Variants in CACNA1A observed in about 807,000 individuals in gnomAD.
CACNA1A encodes the protein calcium voltage-gated channel subunit alpha1 A.
Under a neutral mutation model 262.4 loss-of-function variants are expected in CACNA1A, and 57 were observed. The observed-to-expected ratio is 0.22, with a 90% CI of 0.18 to 0.27. The LOEUF (loss-of-function observed/expected upper bound fraction) is 0.27. CACNA1A is among the 10% of genes least tolerant of loss of function. The pLI is 1.00. For missense variants in CACNA1A, 2,526 were observed against 3,562.8 expected (o/e 0.71, Z 7.41); for synonymous variants, 1,431 against 1,419.3 (o/e 1.01, Z -0.18).
chr19:13,249,801 T>C (rs540667056), intron 30 of CACNA1A, among the ~76,000 whole-genome samples: 1 of 113,594 alleles, frequency 8.8e-6, no homozygotes, highest in South Asian at 3.2e-4. Context: ...ACAAAGCTTA[T>C]ATAGGACGAG....
At chr19:13,446,250 GA>G (rs59977753) in intron 3 of CACNA1A, among the ~76,000 whole-genome samples, 3,260 of 90,184 alleles carry the variant, frequency 0.036, 105 homozygotes, top group African/African-American at 0.1. Context: ...ACTCTGTCCC[GA>G]AAAAAAAAAA....
intron 1 of CACNA1A, among the ~76,000 whole-genome samples, chr19:13,474,373 G>A (rs1418604830): frequency 6.6e-6 from 1 of 152,164 alleles, no homozygotes; most frequent in Admixed American, 6.5e-5. Context: ...GACTATGGCC[G>A]ATTCCCATAA....
rs374647321 is a variant in CACNA1A, at chr19:13,335,919, G to T, written c.979-10C>A. On this transcript the variant is annotated splice_polypyrimidine_tract_variant and intron_variant, in intron 6 of 46. Transcript: ENST00000360228. Reference sequence around the variant, plus strand: ...CTGAGGCATCGTTGCTCTGTAGGGTGTGAGGAGGGAAAGCAGGTGAGAGTT... The same window carrying T: ...CTGAGGCATCGTTGCTCTGTAGGGTTTGAGGAGGGAAAGCAGGTGAGAGTT... 393 of 1,549,506 alleles carry T rather than the reference G, an allele frequency of 2.5e-4. No homozygotes were observed. The highest frequency in any genetic ancestry group is 3.4e-4 in the Non-Finnish European group (382 of 1,131,102).
chr19:13,247,574 CCTGT>C (rs1462562004), intron 30 of CACNA1A, among the ~76,000 whole-genome samples: 1 of 152,020 alleles, frequency 6.6e-6, no homozygotes, highest in East Asian at 1.9e-4. Context: ...GTGGTGCGCG[CCTGT>C]AGTCCCAGCT....
intron 30 of CACNA1A, among the ~76,000 whole-genome samples, chr19:13,247,395 A>C (rs1016846450): frequency 5.3e-5 from 8 of 152,170 alleles, no homozygotes; most frequent in African/African-American, 1.9e-4. Context: ...ACAACTGCCT[A>C]AAAAAGGAAT....
rs200379554 is a variant in CACNA1A at position 13,385,226 on chromosome 19, C to CTTTTTTTT, written c.540-13448_540-13447insAAAAAAAA. The stretch of plus-strand genomic sequence containing the variant: ...GTAGGGCAGATATTTTCTATTCTTT[C>CTTTTTTTT]TTTCTTTTTTTTTTTTTTTTTGAGA... On this transcript the variant is annotated intron_variant, in intron 3 of 46. Transcript: ENST00000360228. 7.3e-5 allele frequency among the ~76,000 whole-genome samples: 10 copies of CTTTTTTTT among 137,570 alleles called. 1 individual carries two copies. The highest frequency in any genetic ancestry group is 2.5e-4 in the African/African-American group (9 of 36,208). 90.3% of individuals were successfully genotyped at this position (137,570 alleles called of 152,430 possible).
chr19:13,261,788 G>T, intron 25 of CACNA1A, 178 bp from the exon 26 acceptor site: 1 of 593,984 alleles, frequency 1.7e-6, no homozygotes. Context: ...TGGAGGAGTT[G>T]GACTCAATCC....
chr19:13,308,025 C>A lies in CACNA1A; in HGVS notation c.1913+95G>T. The A allele has an allele frequency of 6.5e-7, 1 of 1,530,086 alleles. No homozygotes were observed. The highest frequency in any genetic ancestry group is 8.9e-7 in the Non-Finnish European group (1 of 1,119,962). The allele number at this position is 1,530,086 out of a possible 1,614,324, so 94.8% of individuals were successfully genotyped here. A position where few individuals can be genotyped will look rare whatever the true frequency, so the allele number is the denominator to read the frequency against. On this transcript the variant is annotated intron_variant, in intron 14 of 46. Coordinates refer to ENST00000360228, the MANE Select transcript of CACNA1A (RefSeq NM_001127222.2). The surrounding 1 kb of genome is among the most constrained non-coding windows in gnomAD (Gnocchi z 4.2). The stretch of plus-strand genomic sequence containing the variant: ...TGGGTGACCGCAATGGGTGTCTGGG[C>A]TACGAGGAAGGCAGCCTGCACGGTG...
chr19:13,283,162 G>T, intron 22 of CACNA1A, 105 bp downstream of exon 22: 1 of 1,416,466 alleles, frequency 7.1e-7, no homozygotes, highest in Non-Finnish European at 9.7e-7. Context: ...TATGCCTAGG[G>T]GTGACCCCAA....
intron 19 of CACNA1A, among the ~76,000 whole-genome samples, chr19:13,297,321 C>T (rs1195543571): frequency 1.3e-5 from 2 of 152,212 alleles, no homozygotes; most frequent in East Asian, 3.8e-4. Flanking sequence ...TGCTCAAGGC[C>T]TCTGGTGCCA....
chr19:13,347,799 C>G (rs931394261), intron 6 of CACNA1A, among the ~76,000 whole-genome samples: 2 of 152,180 alleles, frequency 1.3e-5, no homozygotes, highest in African/African-American at 2.4e-5. Flanking sequence ...AGTCCAAAGT[C>G]TAATGCTTTG....
intron 31 of CACNA1A, among the ~76,000 whole-genome samples, chr19:13,240,537 T>G (rs1049853139): frequency 6.7e-6 from 1 of 150,136 alleles, no homozygotes; most frequent in Non-Finnish European, 1.5e-5. Flanking sequence ...TGTGTGTGCA[T>G]AGTGGTGTGT....
At chr19:13,312,369 G>A (rs944306601) in intron 12 of CACNA1A, among the ~76,000 whole-genome samples, 2 of 152,174 alleles carry the variant, frequency 1.3e-5, no homozygotes, top group African/African-American at 4.8e-5. Flanking sequence ...TACTTAGTTG[G>A]AGCGACACAG....
At chr19:13,276,656 G>A (rs1016205326) in intron 23 of CACNA1A, among the ~76,000 whole-genome samples, 1 of 151,750 alleles carries the variant, frequency 6.6e-6, no homozygotes, top group Non-Finnish European at 1.5e-5. Flanking sequence ...CCTCTCAAGG[G>A]GGGCATTCTT....
chr19:13,253,741 GCTTC>G (rs1182439190), intron 29 of CACNA1A, among the ~76,000 whole-genome samples: 3 of 148,170 alleles, frequency 2.0e-5, no homozygotes, highest in Non-Finnish European at 4.5e-5. Flanking sequence ...ACCGTCCCCG[GCTTC>G]CTTATTTTTT....
At chr19:13,416,969 TCCACA>T (rs1453967983) in intron 3 of CACNA1A, among the ~76,000 whole-genome samples, 10 of 152,112 alleles carry the variant, frequency 6.6e-5, no homozygotes, top group Non-Finnish European at 1.3e-4. Flanking sequence ...CAATTTAATA[TCCACA>T]TACGGATATT....
chr19:13,416,175 A>G (rs1367647441), intron 3 of CACNA1A, among the ~76,000 whole-genome samples: 1 of 152,162 alleles, frequency 6.6e-6, no homozygotes, highest in Non-Finnish European at 1.5e-5. Flanking sequence ...ATCACAGCTC[A>G]CTGCAGCCTT....
At chr19:13,422,365 G>T (rs2060330089) in intron 3 of CACNA1A, among the ~76,000 whole-genome samples, 1 of 152,126 alleles carries the variant, frequency 6.6e-6, no homozygotes, top group African/African-American at 2.4e-5. Flanking sequence ...GATAACACAG[G>T]TGATATGGGT....
At chr19:13,489,940 C>T (rs994450906) in intron 1 of CACNA1A, among the ~76,000 whole-genome samples, 1 of 152,174 alleles carries the variant, frequency 6.6e-6, no homozygotes, top group Non-Finnish European at 1.5e-5. Flanking sequence ...TTAGTACTTA[C>T]CACACTCAAA....
Sources: allele counts gnomAD v4.1 joint callset (sites outside exome capture counted in the v4.1 genomes callset), GRCh38; gene constraint gnomAD v4.1.1; non-coding constraint Gnocchi (gnomAD v3.1); transcripts MANE v1.5; gene names NCBI Gene and HGNC (gene_info 2026-07-23, HGNC 2026-07-21).